SNTG2: variants seen among roughly 807,000 people sequenced by gnomAD.
The protein encoded by SNTG2 is syntrophin gamma 2, also known as gamma-2-syntrophin.
SNTG2 carries 74 observed loss-of-function variants against 70.9 expected under a neutral mutation model. That is an observed-to-expected ratio of 1.04 (90% CI 0.86 to 1.27). SNTG2 has a LOEUF of 1.27. SNTG2 is among the 50% of genes most tolerant of loss of function. SNTG2 has a pLI of 0.00. For synonymous variants in SNTG2, 278 were observed against 273.8 expected, an observed-to-expected ratio of 1.02 and a Z score of -0.15; for missense variants, 717 against 690.7, an observed-to-expected ratio of 1.04 and a Z score of -0.43.
intron 13 of SNTG2, among the ~76,000 whole-genome samples, chr2:1,264,758 G>A (rs1678632229): frequency 6.6e-6 from 1 of 152,112 alleles, no homozygotes; most frequent in Non-Finnish European, 1.5e-5. Flanking sequence ...ATAGGATCTT[G>A]CTGTGTCATC....
chr2:1,149,067 C>T (rs1448498990), intron 6 of SNTG2, among the ~76,000 whole-genome samples: 2 of 152,194 alleles, frequency 1.3e-5, no homozygotes, highest in Admixed American at 6.5e-5. Context: ...GTATTTAAAA[C>T]GAGTCTTGTG....
chr2:1,181,120 T>G (rs1016229294), intron 8 of SNTG2, among the ~76,000 whole-genome samples: 2 of 152,278 alleles, frequency 1.3e-5, no homozygotes, highest in Admixed American at 1.3e-4. Flanking sequence ...TAATGCTAAA[T>G]GACAAGTTAA....
chr2:1,215,244 C>T (rs966003307), intron 9 of SNTG2, among the ~76,000 whole-genome samples: 1 of 152,094 alleles, frequency 6.6e-6, no homozygotes, highest in Non-Finnish European at 1.5e-5. Flanking sequence ...TAATGCTGGC[C>T]TCATAAAGGT....
intron 1 of SNTG2, among the ~76,000 whole-genome samples, chr2:968,141 C>CG (rs1231909076): frequency 8.1e-6 from 1 of 123,282 alleles, no homozygotes; most frequent in South Asian, 2.5e-4. Context: ...TTATTTCAAG[C>CG]GTTTTTTTTT....
rs931431824 is a variant in SNTG2 at position 1,003,694 on chromosome 2, A to C, written c.72+52626A>C. Among the ~76,000 whole-genome samples, 3 of 152,182 alleles carry C rather than the reference A, an allele frequency of 2.0e-5. No homozygotes were observed. The South Asian group carries it at 6.2e-4, about 32-fold the overall frequency. ...TGTTCCAGTGATGTCCTAAGCAGCT[A>C]TGAGTTTCGGAAGGAGCTGCTGTGA... On this transcript the variant is annotated intron_variant, in intron 1 of 16. Transcript: ENST00000308624.
intron 14 of SNTG2, among the ~76,000 whole-genome samples, chr2:1,273,540 A>C (rs1463723218): frequency 6.6e-6 from 1 of 152,114 alleles, no homozygotes; most frequent in East Asian, 1.9e-4. Context: ...AAGGCAATTC[A>C]GTGGAGAAAG....
chr2:1,074,108 C>T (rs1344355787), intron 1 of SNTG2, among the ~76,000 whole-genome samples: 1 of 152,176 alleles, frequency 6.6e-6, no homozygotes, highest in Non-Finnish European at 1.5e-5. Flanking sequence ...TGAGCATAGC[C>T]AGGTGGAAAG....
chr2:1,210,882 C>A (rs1332297765), intron 9 of SNTG2, among the ~76,000 whole-genome samples: 2 of 152,104 alleles, frequency 1.3e-5, no homozygotes, highest in Non-Finnish European at 2.9e-5. Context: ...ATAGGCTATA[C>A]CATGTAGCCT....
At chr2:1,124,009 A>G (rs1477380615) in intron 4 of SNTG2, among the ~76,000 whole-genome samples, 1 of 149,136 alleles carries the variant, frequency 6.7e-6, no homozygotes, top group Non-Finnish European at 1.5e-5. Context: ...GTCAGAGGGC[A>G]CAGACTCTCA....
chr2:1,150,343 G>T (rs148850482), intron 6 of SNTG2, among the ~76,000 whole-genome samples: 94 of 152,284 alleles, frequency 6.2e-4, no homozygotes, highest in African/African-American at 2.1e-3. Flanking sequence ...TGTCACTCAT[G>T]AGTGAGTGAA....
intron 14 of SNTG2, among the ~76,000 whole-genome samples, chr2:1,307,468 A>T (rs537536800): frequency 6.6e-6 from 1 of 150,914 alleles, no homozygotes; most frequent in Non-Finnish European, 1.5e-5. Context: ...TATGCGAGAG[A>T]GAGAAGAGAG....
chr2:1,173,820 G>T (rs1030974875), intron 8 of SNTG2, among the ~76,000 whole-genome samples: 1 of 152,268 alleles, frequency 6.6e-6, no homozygotes, highest in Non-Finnish European at 1.5e-5. Flanking sequence ...AGAAGCCTGG[G>T]CTCCAACTCC....
In SNTG2 at chr2:1,367,417, G is replaced by A. The variant is rs1285969993; in HGVS notation, c.1563G>A (p.Val521=). 5.2e-6 allele frequency: 8 copies of A among 1,551,548 alleles called. No individual in the cohort carries two copies. The highest frequency in any genetic ancestry group is 1.4e-5 in the African/African-American group (1 of 73,010). The part of the protein sequence containing the change: ...HSFIAAKVAS[V]DPGFMDSQSL... ...TCATAGCAGCCAAGGTGGCCTCCGTGGACCCCGGCTTCATGGACAGTCAGA... is the reference window on the plus strand; with the variant it reads ...TCATAGCAGCCAAGGTGGCCTCCGTAGACCCCGGCTTCATGGACAGTCAGA... The change falls in exon 17 of 17, where the codon GTG becomes GTA. Residue 521 remains valine (V), a synonymous_variant. Coordinates refer to ENST00000308624, the MANE Select transcript of SNTG2 (RefSeq NM_018968.4).
intron 1 of SNTG2, among the ~76,000 whole-genome samples, chr2:1,073,853 T>C (rs1337819921): frequency 6.6e-6 from 1 of 152,228 alleles, no homozygotes; most frequent in East Asian, 1.9e-4. Context: ...TAAATGGTTA[T>C]ATGTTAAAAG....
chr2:1,059,666 TC>T (rs1330376223), intron 1 of SNTG2, among the ~76,000 whole-genome samples: 6 of 152,178 alleles, frequency 3.9e-5, no homozygotes, highest in Admixed American at 2.0e-4. Context: ...AATATAAAAC[TC>T]CCTCAACCCT....
intron 4 of SNTG2, among the ~76,000 whole-genome samples, chr2:1,116,748 GCCGTGGTGTGTC>G: frequency 6.7e-6 from 1 of 148,724 alleles, no homozygotes; most frequent in East Asian, 2.0e-4. Context: ...GTGTATGGGT[GCCGTGGTGTGTC>G]AGTGCCCTGG....
chr2:1,219,092 A>T (rs113061545), intron 9 of SNTG2, among the ~76,000 whole-genome samples: 236 of 152,174 alleles, frequency 1.6e-3, no homozygotes, highest in African/African-American at 5.4e-3. Context: ...GTGGTTTAGC[A>T]CCCAACCCCT....
chr2:1,029,003 C>T (rs1325825153), intron 1 of SNTG2, among the ~76,000 whole-genome samples: 1 of 152,142 alleles, frequency 6.6e-6, no homozygotes, highest in East Asian at 1.9e-4. Flanking sequence ...AGGCATGCAC[C>T]TTCTGTCCAG....
chr2:1,145,499 A>C (rs1219966712), intron 6 of SNTG2, among the ~76,000 whole-genome samples: 1 of 152,218 alleles, frequency 6.6e-6, no homozygotes, highest in Non-Finnish European at 1.5e-5. Context: ...ATCTGCAAAA[A>C]CTTACACAAT....
Sources: gnomAD v4.1 joint callset for allele counts (sites outside exome capture counted in the v4.1 genomes callset) on GRCh38, gnomAD v4.1.1 for gene constraint, MANE v1.5 for transcripts, NCBI Gene and HGNC (gene_info 2026-07-23, HGNC 2026-07-21) for gene names.